DMD: variants seen among roughly 807,000 people sequenced by gnomAD.
DMD encodes dystrophin.
Under a neutral mutation model 330.1 loss-of-function variants are expected in DMD, and 63 were observed. The observed-to-expected ratio is 0.19, with a 90% CI of 0.16 to 0.24. The LOEUF is 0.24. Ranked by LOEUF, DMD falls within the 10% of genes least tolerant of loss-of-function variation. DMD has a pLI of 1.00. For synonymous variants in DMD, 1,223 were observed against 959.8 expected (o/e 1.27, Z -5.07); for missense variants, 3,344 against 2,684.1 (o/e 1.25, Z -5.43).
chrX:32,573,249 T>TCA (rs1451435871), intron 15 of DMD, among the ~76,000 whole-genome samples: 1 of 112,091 alleles, frequency 8.9e-6, no homozygotes, highest in African/African-American at 3.2e-5. Context: ...TATGAAAGGC[T>TCA]CACAGACATT....
chrX:32,696,025 A>C (rs192182951), intron 9 of DMD, among the ~76,000 whole-genome samples: 2 of 112,413 alleles, frequency 1.8e-5, no homozygotes, highest in East Asian at 5.6e-4. Context: ...AATGAAGTTA[A>C]AGCAGAGTGA....
At chrX:32,846,457 C>T (rs994936415) in intron 3 of DMD, among the ~76,000 whole-genome samples, 1 of 111,125 alleles carries the variant, frequency 9.0e-6, no homozygotes, top group African/African-American at 3.3e-5. Context: ...CCCTAGAACT[C>T]CTTATCATTT....
At chrX:32,651,271 T>C (rs959076503) in intron 9 of DMD, among the ~76,000 whole-genome samples, 4 of 108,512 alleles carry the variant, frequency 3.7e-5, no homozygotes, top group Non-Finnish European at 5.7e-5. Context: ...GCCTCCCGAG[T>C]AGCTGGGATT....
intron 7 of DMD, among the ~76,000 whole-genome samples, chrX:32,798,614 A>G (rs774951257): frequency 9.0e-6 from 1 of 110,864 alleles, no homozygotes; most frequent in East Asian, 2.8e-4. Context: ...TGCCAGTGAA[A>G]TATTTTCTTA....
At chrX:32,406,104 C>T (rs1216326062) in intron 30 of DMD, among the ~76,000 whole-genome samples, 6 of 111,534 alleles carry the variant, frequency 5.4e-5, no homozygotes, top group African/African-American at 2.0e-4. Context: ...ATTGATTTTG[C>T]ATGCTGAGAC....
chrX:31,768,050 A>G (rs1157565769), intron 51 of DMD, among the ~76,000 whole-genome samples: 2 of 111,352 alleles, frequency 1.8e-5, no homozygotes, highest in Admixed American at 9.6e-5. Flanking sequence ...CTCAACCCCA[A>G]TCTGGAAAGG....
intron 44 of DMD, among the ~76,000 whole-genome samples, chrX:32,056,980 A>G (rs977512653): frequency 1.7e-4 from 19 of 111,758 alleles, no homozygotes; most frequent in Non-Finnish European, 2.1e-4. Flanking sequence ...AAAACTAATC[A>G]GTGTGATACA....
At chrX:32,962,126 G>C (rs2091923856) in intron 2 of DMD, among the ~76,000 whole-genome samples, 1 of 111,450 alleles carries the variant, frequency 9.0e-6, no homozygotes, top group South Asian at 3.7e-4. Flanking sequence ...TTTTTGCAAA[G>C]ATCTGAATAG....
intron 64 of DMD, among the ~76,000 whole-genome samples, chrX:31,220,896 A>ATTTTTTTTTTTTT (rs61226425): frequency 2.9e-5 from 1 of 34,832 alleles, no homozygotes; most frequent in East Asian, 1.0e-3. Context: ...TTTTTTTGCG[A>ATTTTTTTTTTTTT]TTTTTTTTTT....
At chrX:31,469,352 G>C (rs111483197) in intron 59 of DMD, among the ~76,000 whole-genome samples, 13,947 of 111,181 alleles carry the variant, frequency 0.13, 1,056 homozygotes, top group African/African-American at 0.29. Context: ...AGAAGCTCTT[G>C]TAAGGCAGGC....
chrX:32,606,216 C>T (rs999208140), intron 12 of DMD, among the ~76,000 whole-genome samples: 3 of 110,457 alleles, frequency 2.7e-5, no homozygotes, highest in Non-Finnish European at 3.8e-5. Flanking sequence ...TCCTTCTACT[C>T]TCTATTTCCA....
intron 7 of DMD, among the ~76,000 whole-genome samples, chrX:32,734,878 C>T (rs1409239457): frequency 4.9e-5 from 5 of 102,864 alleles, no homozygotes; most frequent in Non-Finnish European, 7.8e-5. Context: ...CCTCTCTCAC[C>T]ACTCCTATTC....
chrX:31,141,886 TGAG>T (rs1158379553), intron 76 of DMD, among the ~76,000 whole-genome samples: 1 of 111,249 alleles, frequency 9.0e-6, no homozygotes, highest in Admixed American at 9.6e-5. Context: ...TGGAGAATCT[TGAG>T]GAAAACCTTG....
At chrX:32,819,789 C>T (rs1434884489) in intron 5 of DMD, among the ~76,000 whole-genome samples, 5 of 101,781 alleles carry the variant, frequency 4.9e-5, no homozygotes, top group African/African-American at 1.8e-4. Context: ...GTCCTTTAAT[C>T]TTTGCTGAAA....
chrX:33,036,685 A>G (rs929479302), intron 1 of DMD, among the ~76,000 whole-genome samples: 6 of 111,282 alleles, frequency 5.4e-5, no homozygotes, highest in African/African-American at 2.0e-4. Context: ...ATGGATGAAA[A>G]GGTCTATAAC....
chrX:32,199,780 T>TTGTGTGTGTGTGTGTGTGTGTGTG (rs35897988), intron 44 of DMD, among the ~76,000 whole-genome samples: 11 of 84,140 alleles, frequency 1.3e-4, no homozygotes, highest in Admixed American at 8.8e-4. Flanking sequence ...CGCAAGGCTT[T>TTGTGTGTGTGTGTGTGTGTGTGTG]TGTGTGTGTG....
chrX:33,185,166 A>G (rs1235082657), intron 1 of DMD, among the ~76,000 whole-genome samples: 2 of 111,488 alleles, frequency 1.8e-5, no homozygotes, highest in Non-Finnish European at 3.8e-5. Flanking sequence ...AAAATGTATT[A>G]TACTCCAAAG....
chrX:32,346,155 CAT>C (rs1244586024), intron 38 of DMD, 75 bp from the exon 39 acceptor site: 73 of 1,078,627 alleles, frequency 6.8e-5, no homozygotes, highest in Non-Finnish European at 8.9e-5. Flanking sequence ...GATAATAAGA[CAT>C]GTTATTTAAA....
chrX:32,129,676 AT>A, intron 44 of DMD, among the ~76,000 whole-genome samples: 1 of 104,477 alleles, frequency 9.6e-6, no homozygotes, highest in Non-Finnish European at 2.0e-5. Flanking sequence ...TACAGAAAAA[AT>A]ATATATACAT....
Sources: gnomAD v4.1 joint callset for allele counts (sites outside exome capture counted in the v4.1 genomes callset) on GRCh38, gnomAD v4.1.1 for gene constraint, MANE v1.5 for transcripts, NCBI Gene and HGNC (gene_info 2026-07-23, HGNC 2026-07-21) for gene names.